Variants in NFIL3 observed in about 807,000 individuals in gnomAD.
NFIL3 encodes nuclear factor interleukin-3-regulated protein.
A neutral mutation model predicts 10.0 loss-of-function variants in NFIL3; 5 were observed. The observed-to-expected ratio is 0.50, with a 90% CI of 0.26 to 1.06. The LOEUF (loss-of-function observed/expected upper bound fraction) is 1.06, where lower values mean the gene tolerates loss of function less well. Ranked by LOEUF, NFIL3 falls within the 50% of genes least tolerant of loss-of-function variation. The pLI is 0.13. For missense variants in NFIL3, 436 were observed against 547.6 expected, an observed-to-expected ratio of 0.80 and a Z score of 2.03; for synonymous variants, 202 against 206.5, an observed-to-expected ratio of 0.98 and a Z score of 0.19.
chr9:91,474,463 C>G, the NFIL3 span, among the ~76,000 whole-genome samples: 16,758 of 152,060 alleles, frequency 0.11, 1,161 homozygotes, highest in African/African-American at 0.2. Flanking sequence ...GCTTCTGTTC[C>G]AGTATGTGGT....
chr9:91,413,023 G>C (rs1336771777), intron 1 of NFIL3, among the ~76,000 whole-genome samples: 5 of 152,106 alleles, frequency 3.3e-5, no homozygotes, highest in African/African-American at 9.7e-5. Context: ...ATAATTTCAG[G>C]ATCATAAAGA....
In NFIL3 at chr9:91,409,216, A is replaced by C. The variant is rs1833488576; in HGVS notation, c.*130T>G. ...CATAATCTGTGCACAAAAAGACACC[A>C]AACAGACAACATGTGCACATCACAG... On this transcript the variant is annotated 3_prime_UTR_variant, in exon 2 of 2. Coordinates refer to ENST00000297689, the MANE Select transcript of NFIL3 (RefSeq NM_005384.3). 1 of 860,100 alleles carries C rather than the reference A, an allele frequency of 1.2e-6. No homozygotes were observed. Among genetic ancestry groups the C allele is most frequent in the African/African-American group, 1.7e-5 (1 of 58,948 alleles). The allele number at this position is 860,100 out of a possible 1,614,324, so 53.3% of individuals were successfully genotyped here.
chr9:91,445,938 G>A, the NFIL3 span, among the ~76,000 whole-genome samples: 1 of 152,096 alleles, frequency 6.6e-6, no homozygotes, highest in Non-Finnish European at 1.5e-5. Flanking sequence ...AAAGACTCAG[G>A]GATGGAGAGG....
At chr9:91,481,722 T>C in the NFIL3 span, among the ~76,000 whole-genome samples, 2 of 151,918 alleles carry the variant, frequency 1.3e-5, no homozygotes, top group Non-Finnish European at 2.9e-5. Flanking sequence ...AAAACTATCA[T>C]AAAAAAAGTC....
chr9:91,423,947 C>CGGCCGGCAGGGGCG (rs1219888965), upstream of NFIL3: 5 of 145,208 alleles, frequency 3.4e-5, no homozygotes, highest in Admixed American at 2.0e-4. Context: ...CCAATGGCCG[C>CGGCCGGCAGGGGCG]GGCCGGCAGG....
At chr9:91,443,151 T>G in the NFIL3 span, among the ~76,000 whole-genome samples, 7 of 152,146 alleles carry the variant, frequency 4.6e-5, no homozygotes, top group Non-Finnish European at 8.8e-5. Context: ...CATAGGCAGG[T>G]CATCCTGATG....
chr9:91,441,548 G>A, the NFIL3 span, among the ~76,000 whole-genome samples: 1 of 151,970 alleles, frequency 6.6e-6, no homozygotes, highest in Non-Finnish European at 1.5e-5. Flanking sequence ...CTGCCATTTT[G>A]TTATTTGATT....
the NFIL3 span, among the ~76,000 whole-genome samples, chr9:91,443,052 A>G: frequency 6.6e-6 from 1 of 152,194 alleles, no homozygotes; most frequent in Admixed American, 6.5e-5. Flanking sequence ...CAAGAGACCT[A>G]AAGTGGGTAG....
upstream of NFIL3, among the ~76,000 whole-genome samples, chr9:91,427,818 T>C (rs995229561): frequency 6.6e-6 from 1 of 152,072 alleles, no homozygotes; most frequent in Non-Finnish European, 1.5e-5. Flanking sequence ...TTTTTTAATT[T>C]TTTTTTTGTT....
At chr9:91,448,548 A>G in the NFIL3 span, among the ~76,000 whole-genome samples, 2 of 152,166 alleles carry the variant, frequency 1.3e-5, no homozygotes, top group Non-Finnish European at 2.9e-5. Flanking sequence ...AATACCTCCC[A>G]CTAGGCCCCA....
chr9:91,423,911 C>G (rs1245020312), upstream of NFIL3: 1 of 144,742 alleles, frequency 6.9e-6, no homozygotes, highest in Non-Finnish European at 1.5e-5. Context: ...CCAATCGCCG[C>G]GCCCGCACCC....
At chr9:91,415,701 C>T (rs1055639103) in intron 1 of NFIL3, among the ~76,000 whole-genome samples, 1 of 151,656 alleles carries the variant, frequency 6.6e-6, no homozygotes, top group African/African-American at 2.4e-5. Flanking sequence ...GATCTTGGCT[C>T]ACCACAACTT....
chr9:91,414,917 T>C (rs146391525), intron 1 of NFIL3, among the ~76,000 whole-genome samples: 122 of 152,342 alleles, frequency 8.0e-4, no homozygotes, highest in African/African-American at 2.8e-3. Flanking sequence ...CAACATTTCA[T>C]TGACAGTCAC....
the NFIL3 span, among the ~76,000 whole-genome samples, chr9:91,480,953 C>T: frequency 2.6e-5 from 4 of 152,232 alleles, no homozygotes; most frequent in Admixed American, 6.5e-5. Flanking sequence ...CAGGGAAGGG[C>T]GCGCAGAGGG....
the NFIL3 span, among the ~76,000 whole-genome samples, chr9:91,443,482 A>G: frequency 2.6e-5 from 4 of 152,122 alleles, no homozygotes. Context: ...TGCCGTCAGC[A>G]CCTCCTTGGC....
At chr9:91,463,302 T>C in the NFIL3 span, among the ~76,000 whole-genome samples, 2 of 151,856 alleles carry the variant, frequency 1.3e-5, no homozygotes, top group African/African-American at 4.8e-5. Flanking sequence ...AGATATTTCT[T>C]CTTTGCCAAC....
chr9:91,446,443 C>T, the NFIL3 span, among the ~76,000 whole-genome samples: 44 of 152,308 alleles, frequency 2.9e-4, no homozygotes, highest in African/African-American at 9.9e-4. Context: ...ACGAGTTCTA[C>T]GAACTTCTAG....
upstream of NFIL3, chr9:91,426,505 A>G (rs1449302704): frequency 6.6e-6 from 1 of 152,190 alleles, no homozygotes; most frequent in African/African-American, 2.4e-5. Flanking sequence ...CATGTGCCTG[A>G]TGGTGGAGCT....
At chr9:91,416,504 G>T (rs1033074793) in intron 1 of NFIL3, among the ~76,000 whole-genome samples, 1 of 152,088 alleles carries the variant, frequency 6.6e-6, no homozygotes, top group Non-Finnish European at 1.5e-5. Context: ...TAATGTTGTG[G>T]TATATTAGTC....
Sources: allele counts gnomAD v4.1 joint callset (sites outside exome capture counted in the v4.1 genomes callset), GRCh38; gene constraint gnomAD v4.1.1; transcripts MANE v1.5; gene names NCBI Gene and HGNC (gene_info 2026-07-23, HGNC 2026-07-21).